Variants in ADGB observed in about 807,000 individuals in gnomAD.
ADGB encodes androglobin.
Under a neutral mutation model 210.5 loss-of-function variants are expected in ADGB, and 172 were observed. The ratio of observed to expected loss-of-function variants is 0.82; its 90% CI spans 0.72 to 0.93. The LOEUF is 0.93. Among genes scored for constraint, ADGB ranks in the 40% least tolerant of loss-of-function variants. The pLI is 0.00. For synonymous variants in ADGB, 658 were observed against 662.7 expected, an observed-to-expected ratio of 0.99 and a Z score of 0.11; for missense variants, 2,025 against 1,964.8, an observed-to-expected ratio of 1.03 and a Z score of -0.58.
intron 13 of ADGB, among the ~76,000 whole-genome samples, chr6:146,702,363 A>G (rs6924607): frequency 0.062 from 9,374 of 151,940 alleles, 935 homozygotes; most frequent in African/African-American, 0.21. Context: ...TTATAAATGC[A>G]TAATGTATTG....
chr6:146,773,698 T>C (rs1288106217), intron 29 of ADGB, among the ~76,000 whole-genome samples: 1 of 152,188 alleles, frequency 6.6e-6, no homozygotes, highest in African/African-American at 2.4e-5. Flanking sequence ...GAGTGAAGGT[T>C]CTAACATAAG....
chr6:146,629,859 T>C (rs1343361831), intron 1 of ADGB, among the ~76,000 whole-genome samples: 1 of 152,212 alleles, frequency 6.6e-6, no homozygotes, highest in Non-Finnish European at 1.5e-5. Flanking sequence ...TCTTTAACAA[T>C]GTATAAATTT....
At chr6:146,647,153 AC>A (rs1317944623) in intron 3 of ADGB, among the ~76,000 whole-genome samples, 66 of 151,564 alleles carry the variant, frequency 4.4e-4, no homozygotes, top group Middle Eastern at 3.4e-3. Flanking sequence ...AAACAAACAA[AC>A]AAAAAAAACC....
At chr6:146,699,841 A>G (rs1776465106) in intron 12 of ADGB, among the ~76,000 whole-genome samples, 1 of 152,186 alleles carries the variant, frequency 6.6e-6, no homozygotes, top group Non-Finnish European at 1.5e-5. Flanking sequence ...TCTCTATGCC[A>G]ATAGGGACCC....
intron 35 of ADGB, chr6:146,802,746 G>GT (rs1778152429): frequency 3.9e-6 from 6 of 1,550,648 alleles, no homozygotes; most frequent in Admixed American, 1.7e-5. Flanking sequence ...AAATTACACA[G>GT]TTCAGGGATG....
At chr6:146,766,007 T>C (rs1222782404) in intron 28 of ADGB, among the ~76,000 whole-genome samples, 2 of 151,902 alleles carry the variant, frequency 1.3e-5, no homozygotes, top group African/African-American at 4.8e-5. Flanking sequence ...AAAGAAGATA[T>C]AAATTAACCA....
At chr6:146,603,919 T>C (rs572101926) in intron 1 of ADGB, among the ~76,000 whole-genome samples, 10 of 152,308 alleles carry the variant, frequency 6.6e-5, no homozygotes, top group Admixed American at 5.9e-4. Context: ...GTAAGTAATA[T>C]GTTTCTCTAC....
Position 146,741,130 on chromosome 6 carries a change from G to C in ADGB, c.3036G>C (p.Leu1012Phe). 6.6e-7 allele frequency: 1 copy of C among 1,516,344 alleles called. No individual in the cohort carries two copies. Among genetic ancestry groups the C allele is most frequent in the South Asian group, 1.3e-5 (1 of 76,652 alleles). The allele number at this position is 1,516,344 out of a possible 1,614,324, so 93.9% of individuals were successfully genotyped here. The change falls in exon 25 of 36, where the codon TTG becomes TTC. Residue 1012 changes from leucine to phenylalanine, a missense_variant. Physicochemically the swap from Leu to Phe is conservative, Grantham distance 22. Coordinates refer to ENST00000397944, the MANE Select transcript of ADGB (RefSeq NM_024694.4). ...TTTGTAATTACAGAGAAACATTTTT[G>C]GTTCATCAAGACATGATTTTGGTTC... ...SWFIVFRETFLVHQDMILVPK... is the reference protein window; with the variant it reads ...SWFIVFRETFFVHQDMILVPK...
At chr6:146,674,486 G>T (rs1477965123) in intron 8 of ADGB, among the ~76,000 whole-genome samples, 1 of 152,138 alleles carries the variant, frequency 6.6e-6, no homozygotes, top group Non-Finnish European at 1.5e-5. Flanking sequence ...GAGAGCAATG[G>T]CTCCTCCATT....
At chr6:146,607,122 T>G (rs1780641936) in intron 1 of ADGB, among the ~76,000 whole-genome samples, 1 of 152,182 alleles carries the variant, frequency 6.6e-6, no homozygotes, top group African/African-American at 2.4e-5. Flanking sequence ...ATCTCCTTGG[T>G]TAGCTATATA....
chr6:146,641,427 A>T (rs1489823996), intron 2 of ADGB, among the ~76,000 whole-genome samples: 1 of 151,762 alleles, frequency 6.6e-6, no homozygotes, highest in African/African-American at 2.4e-5. Context: ...CCAAAAAAGA[A>T]CCTGAATAGC....
chr6:146,799,104 AAAG>A (rs1459764420), intron 33 of ADGB, among the ~76,000 whole-genome samples: 2 of 150,876 alleles, frequency 1.3e-5, no homozygotes, highest in South Asian at 2.1e-4. Flanking sequence ...TAATTTTGAA[AAAG>A]AAGATCCAAG....
At chr6:146,813,447 G>A (rs1404640454) in intron 35 of ADGB, among the ~76,000 whole-genome samples, 1 of 132,070 alleles carries the variant, frequency 7.6e-6, no homozygotes, top group Non-Finnish European at 1.7e-5. Context: ...AACTACAGAT[G>A]CAGAAATTTT....
At chr6:146,654,111 T>C in intron 3 of ADGB, 24 bp from the exon 4 acceptor site, 1 of 1,352,584 alleles carries the variant, frequency 7.4e-7, no homozygotes. Flanking sequence ...TATGGAGTAA[T>C]ATATACATAT....
chr6:146,700,638 T>A (rs1776476955), intron 12 of ADGB, among the ~76,000 whole-genome samples: 1 of 152,142 alleles, frequency 6.6e-6, no homozygotes, highest in Non-Finnish European at 1.5e-5. Context: ...ATTAAATCAA[T>A]TCCACATATC....
chr6:146,765,445 T>C (rs981999969), intron 28 of ADGB, among the ~76,000 whole-genome samples: 1 of 151,958 alleles, frequency 6.6e-6, no homozygotes, highest in Admixed American at 6.6e-5. Flanking sequence ...ACATGAGATT[T>C]TTTTAAAATA....
intron 1 of ADGB, among the ~76,000 whole-genome samples, chr6:146,614,055 T>C (rs1780749832): frequency 6.6e-6 from 1 of 151,996 alleles, no homozygotes; most frequent in Admixed American, 6.6e-5. Flanking sequence ...TAATCAACAG[T>C]ATAATAGAGT....
At chr6:146,614,179 C>CCCTCCCTCCCTCCCTTCCTCCCTTCCTT in intron 1 of ADGB, among the ~76,000 whole-genome samples, 1 of 67,862 alleles carries the variant, frequency 1.5e-5, no homozygotes, top group South Asian at 6.0e-4. Flanking sequence ...TGTTTTCTCT[C>CCCTCCCTCCCTCCCTTCCTCCCTTCCTT]CCTCCCTCCC....
intron 33 of ADGB, among the ~76,000 whole-genome samples, chr6:146,789,803 T>C (rs1257369486): frequency 6.6e-6 from 1 of 152,174 alleles, no homozygotes; most frequent in Non-Finnish European, 1.5e-5. Flanking sequence ...TCTCCACTTC[T>C]AAAATGACAG....
Sources: gnomAD v4.1 joint callset for allele counts (sites outside exome capture counted in the v4.1 genomes callset) on GRCh38, gnomAD v4.1.1 for gene constraint, MANE v1.5 for transcripts, NCBI Gene and HGNC (gene_info 2026-07-23, HGNC 2026-07-21) for gene names.